Variants in KAZN observed in about 807,000 individuals in gnomAD.
The protein encoded by KAZN is kazrin.
KAZN carries 40 observed loss-of-function variants against 87.4 expected under a neutral mutation model. That is an observed-to-expected ratio of 0.46 (90% confidence interval 0.36 to 0.60). KAZN has a LOEUF of 0.60. Among genes scored for constraint, KAZN ranks in the 20% least tolerant of loss-of-function variants. The pLI is 0.00. For synonymous variants in KAZN, 466 were observed against 458.3 expected, an observed-to-expected ratio of 1.02 and a Z score of -0.22; for missense variants, 898 against 1,073.9, an observed-to-expected ratio of 0.84 and a Z score of 2.29.
At chr1:14,728,142 C>T (rs1363139392) in intron 1 of KAZN, among the ~76,000 whole-genome samples, 5 of 151,542 alleles carry the variant, frequency 3.3e-5, no homozygotes, top group African/African-American at 1.2e-4. Flanking sequence ...AAAAATTAGC[C>T]GGGTATGGTT....
chr1:14,983,062 T>A (rs1666421676), intron 2 of KAZN, among the ~76,000 whole-genome samples: 3 of 152,156 alleles, frequency 2.0e-5, no homozygotes, highest in Admixed American at 6.5e-5. Context: ...ACAAATCGCT[T>A]TTGCCTGCTG....
chr1:14,901,822 G>A (rs760465031), intron 1 of KAZN, among the ~76,000 whole-genome samples: 2 of 152,160 alleles, frequency 1.3e-5, no homozygotes, highest in Admixed American at 6.5e-5. Flanking sequence ...GGGCGGCCAG[G>A]GTTCCGCCTC....
At chr1:14,440,460 A>C (rs949731530) in intron 2 of KAZN, among the ~76,000 whole-genome samples, 3 of 152,156 alleles carry the variant, frequency 2.0e-5, no homozygotes, top group Non-Finnish European at 2.9e-5. Context: ...ATTCCCATTC[A>C]TATGTCTGTC....
intron 1 of KAZN, among the ~76,000 whole-genome samples, chr1:14,081,399 C>T (rs1643669499): frequency 6.6e-6 from 1 of 152,064 alleles, no homozygotes; most frequent in African/African-American, 2.4e-5. Flanking sequence ...TTAAACAGCT[C>T]TTCCCAGTTG....
intron 1 of KAZN, among the ~76,000 whole-genome samples, chr1:14,050,342 T>C (rs184057447): frequency 3.9e-5 from 6 of 152,320 alleles, no homozygotes; most frequent in African/African-American, 1.4e-4. Context: ...GCCCCTGTAG[T>C]AGTCTGTTTT....
intron 2 of KAZN, among the ~76,000 whole-genome samples, chr1:14,533,870 C>A (rs1373759703): frequency 6.6e-6 from 1 of 152,212 alleles, no homozygotes; most frequent in Non-Finnish European, 1.5e-5. Flanking sequence ...TGTCTGCTCA[C>A]ATACAAGAGT....
At chr1:14,664,653 CTTTTTT>C (rs543110951) in intron 1 of KAZN, among the ~76,000 whole-genome samples, 1 of 139,394 alleles carries the variant, frequency 7.2e-6, no homozygotes, top group Non-Finnish European at 1.6e-5. Flanking sequence ...TTCTTTTTCT[CTTTTTT>C]TTTTTTTTTT....
chr1:14,435,479 C>T (rs1206356708), intron 2 of KAZN, among the ~76,000 whole-genome samples: 3 of 152,204 alleles, frequency 2.0e-5, no homozygotes, highest in South Asian at 2.1e-4. Context: ...AGAGGCATGA[C>T]CCGCGCCACC....
chr1:14,973,027 C>T (rs12410521), intron 2 of KAZN, among the ~76,000 whole-genome samples: 57,155 of 151,406 alleles, frequency 0.38, 12,594 homozygotes, highest in African/African-American at 0.62. Flanking sequence ...CCCAGAACAA[C>T]CCCATGACAT....
chr1:14,319,283 G>A (rs1433466568), intron 2 of KAZN, among the ~76,000 whole-genome samples: 1 of 151,944 alleles, frequency 6.6e-6, no homozygotes, highest in Non-Finnish European at 1.5e-5. Flanking sequence ...TGCTAGGTGT[G>A]GCCTTTCTAG....
chr1:14,746,411 T>C (rs1266855638), intron 1 of KAZN, among the ~76,000 whole-genome samples: 1 of 152,152 alleles, frequency 6.6e-6, no homozygotes, highest in Non-Finnish European at 1.5e-5. Flanking sequence ...GGACTCAGTC[T>C]CTGCTGCAGG....
chr1:13,911,041 CTTTTG>C (rs1272455817), intron 1 of KAZN, among the ~76,000 whole-genome samples: 8 of 152,056 alleles, frequency 5.3e-5, no homozygotes, highest in Non-Finnish European at 7.4e-5. Context: ...ATGGCACACA[CTTTTG>C]TTTTGTTTCA....
chr1:14,044,609 G>A (rs548699215), intron 1 of KAZN, among the ~76,000 whole-genome samples: 2 of 152,074 alleles, frequency 1.3e-5, no homozygotes, highest in Non-Finnish European at 2.9e-5. Context: ...TTATCATTAA[G>A]AGTGGTAAGT....
At chr1:14,729,091 C>T (rs1159596451) in intron 1 of KAZN, among the ~76,000 whole-genome samples, 1 of 152,178 alleles carries the variant, frequency 6.6e-6, no homozygotes, top group African/African-American at 2.4e-5. Flanking sequence ...TCCTGCCCGT[C>T]TCCTGCCTCG....
rs189945282 is a variant in KAZN at position 14,849,288 on chromosome 1, C to A, written c.227-111396C>A. ...CTGCCACACTGAGGTTCCAGCTGAACATTACAGCCCTCATTTGAGTGTTTC... is the reference window on the plus strand; with the variant it reads ...CTGCCACACTGAGGTTCCAGCTGAAAATTACAGCCCTCATTTGAGTGTTTC... On this transcript the variant is annotated intron_variant, in intron 1 of 14. Coordinates refer to ENST00000376030, the MANE Select transcript of KAZN (RefSeq NM_201628.3). 4.0e-3 allele frequency among the ~76,000 whole-genome samples: 608 copies of A among 152,312 alleles called. 6 individuals carry two copies. Among genetic ancestry groups the A allele is most frequent in the South Asian group, 0.03 (144 of 4,826 alleles).
chr1:14,113,630 G>A (rs1371577038), intron 1 of KAZN, among the ~76,000 whole-genome samples: 1 of 152,190 alleles, frequency 6.6e-6, no homozygotes, highest in Non-Finnish European at 1.5e-5. Flanking sequence ...AAATTGCACA[G>A]CTAAGAAATG....
At chr1:14,930,521 G>A (rs1659693809) in intron 1 of KAZN, among the ~76,000 whole-genome samples, 1 of 152,154 alleles carries the variant, frequency 6.6e-6, no homozygotes, top group South Asian at 2.1e-4. Context: ...TAGTGTGGAA[G>A]GATCATTGAC....
chr1:14,818,867 CA>C (rs1646653564), intron 1 of KAZN, among the ~76,000 whole-genome samples: 1 of 152,114 alleles, frequency 6.6e-6, no homozygotes, highest in African/African-American at 2.4e-5. Context: ...CCAGCCTAGC[CA>C]ACATGGTGAA....
At chr1:14,556,184 A>C (rs1360108655) in intron 2 of KAZN, among the ~76,000 whole-genome samples, 1 of 148,580 alleles carries the variant, frequency 6.7e-6, no homozygotes, top group Non-Finnish European at 1.5e-5. Context: ...ATCTGTGCTC[A>C]TTGCAAGCTC....
Sources: allele counts gnomAD v4.1 joint callset (sites outside exome capture counted in the v4.1 genomes callset), GRCh38; gene constraint gnomAD v4.1.1; transcripts MANE v1.5; gene names NCBI Gene and HGNC (gene_info 2026-07-23, HGNC 2026-07-21).